The following CHP1 variants were observed in gnomAD, a reference collection of about 807,000 sequenced individuals.
CHP1 encodes calcineurin B homologous protein 1.
In CHP1, 11 loss-of-function variants were observed where a neutral mutation model predicts 27.4. The observed-to-expected ratio is 0.40, with a 90% CI of 0.25 to 0.67. The LOEUF is 0.67. Among genes scored for constraint, CHP1 ranks in the 30% least tolerant of loss-of-function variants. The pLI is 0.38. For missense variants in CHP1, 169 were observed against 251.3 expected, an observed-to-expected ratio of 0.67 and a Z score of 2.22; for synonymous variants, 89 against 87.4, an observed-to-expected ratio of 1.02 and a Z score of -0.10.
chr15:41,256,563 C>A, intron 2 of CHP1: 1 of 261,806 alleles, frequency 3.8e-6, no homozygotes, highest in Non-Finnish European at 7.5e-6. Flanking sequence ...ATTTGCTGTT[C>A]ACTTTCCAAA....
chr15:41,277,451 C>T (rs987961213), intron 5 of CHP1, among the ~76,000 whole-genome samples: 1 of 152,204 alleles, frequency 6.6e-6, no homozygotes, highest in East Asian at 1.9e-4. Flanking sequence ...GAAGGCCTGC[C>T]TGGGCAACAC....
chr15:41,261,814 G>C (rs1044993815), intron 3 of CHP1, among the ~76,000 whole-genome samples: 9 of 151,872 alleles, frequency 5.9e-5, no homozygotes, highest in Non-Finnish European at 1.3e-4. Flanking sequence ...CCAACATGGA[G>C]AAACCCCGTC....
intron 1 of CHP1, among the ~76,000 whole-genome samples, chr15:41,241,569 G>A (rs959601326): frequency 6.6e-6 from 1 of 152,208 alleles, no homozygotes; most frequent in South Asian, 2.1e-4. Flanking sequence ...TGTCCGGCTG[G>A]CAAAACAGTC....
chr15:41,236,798 AC>A (rs1225488817), intron 1 of CHP1, among the ~76,000 whole-genome samples: 1 of 150,672 alleles, frequency 6.6e-6, no homozygotes, highest in African/African-American at 2.4e-5. Flanking sequence ...CTATTATCAC[AC>A]CTAAGAAAGT....
intron 4 of CHP1, among the ~76,000 whole-genome samples, chr15:41,263,700 C>T (rs1355132828): frequency 6.6e-6 from 1 of 152,116 alleles, no homozygotes; most frequent in Non-Finnish European, 1.5e-5. Flanking sequence ...CATGGTGAAA[C>T]ATTGTCTCTA....
chr15:41,274,053 C>T (rs573808113), intron 5 of CHP1, among the ~76,000 whole-genome samples: 3 of 151,894 alleles, frequency 2.0e-5, no homozygotes, highest in Admixed American at 6.6e-5. Context: ...CTCCGCCTCC[C>T]GGGTTCAAGT....
At chr15:41,256,581 A>G (rs1249098103) in intron 2 of CHP1, 5 of 285,570 alleles carry the variant, frequency 1.8e-5, no homozygotes, top group African/African-American at 1.1e-4. Context: ...AAACTTAATA[A>G]CTAGGTACGC....
chr15:41,242,643 T>G (rs1021868888), intron 1 of CHP1, among the ~76,000 whole-genome samples: 3 of 145,696 alleles, frequency 2.1e-5, no homozygotes, highest in Admixed American at 6.9e-5. Flanking sequence ...AAAATAAAAT[T>G]TAAAAAATAA....
intron 5 of CHP1, among the ~76,000 whole-genome samples, chr15:41,277,792 A>G (rs977463881): frequency 1.1e-4 from 6 of 55,436 alleles, no homozygotes; most frequent in Admixed American, 8.6e-4. Flanking sequence ...CCGCCTCAGG[A>G]AAAAAAAAAA....
intron 1 of CHP1, among the ~76,000 whole-genome samples, chr15:41,242,340 C>T (rs974013521): frequency 6.6e-6 from 1 of 152,120 alleles, no homozygotes; most frequent in African/African-American, 2.4e-5. Context: ...TTGATGTACC[C>T]CAATCAAATA....
At position 41,233,930 on chromosome 15, in the gene CHP1, C is replaced by G. The variant is rs73402977; in HGVS notation, c.67+2481C>G. On this transcript the variant is annotated intron_variant, in intron 1 of 6. Coordinates refer to ENST00000334660, the MANE Select transcript of CHP1 (RefSeq NM_007236.5). ...AGTTTATCCAAATAGTGTCCATCAT[C>G]AGAGTTGTTTTTTCTTTTTCTTTTT... Among the ~76,000 whole-genome samples, 390 of 152,196 alleles carry G rather than the reference C, an allele frequency of 2.6e-3. 5 individuals are homozygous for G. Among genetic ancestry groups the G allele is most frequent in the African/African-American group, 8.5e-3 (352 of 41,548 alleles).
At position 41,279,386 on chromosome 15, in the gene CHP1, C is replaced by T; in HGVS notation, c.585C>T (p.His195=). Residue 195 remains histidine (H), a synonymous_variant, in exon 7 of 7, where the codon CAC becomes CAT. Transcript: ENST00000334660. ...VEQKMSIRFL[H] is the part of the protein sequence containing the mutation. ...AGAAAATGAGCATCCGATTTCTTCA[C>T]TAAAGGAGACCAAACTGTTCCTTGC... The T allele has an allele frequency of 6.2e-7, 1 of 1,612,696 alleles. No homozygotes were observed. Among genetic ancestry groups the T allele is most frequent in the Non-Finnish European group, 8.5e-7 (1 of 1,179,672 alleles).
chr15:41,251,792 G>A (rs1020274261), intron 2 of CHP1, among the ~76,000 whole-genome samples: 15 of 150,232 alleles, frequency 1.0e-4, no homozygotes, highest in Admixed American at 2.0e-4. Flanking sequence ...GCTGGGGATC[G>A]CTGCCAGCTG....
At chr15:41,253,858 C>T (rs551023627) in intron 2 of CHP1, among the ~76,000 whole-genome samples, 1 of 152,140 alleles carries the variant, frequency 6.6e-6, no homozygotes, top group South Asian at 2.1e-4. Flanking sequence ...TACCATGGCT[C>T]CTTGCAGCCT....
intron 4 of CHP1, among the ~76,000 whole-genome samples, chr15:41,268,750 C>G (rs528775395): frequency 6.6e-6 from 1 of 151,830 alleles, no homozygotes; most frequent in South Asian, 2.1e-4. Context: ...GTTAGGAGAT[C>G]GAGACCATCC....
chr15:41,274,024 G>C (rs555800182), intron 5 of CHP1, among the ~76,000 whole-genome samples: 11 of 151,276 alleles, frequency 7.3e-5, no homozygotes, highest in Admixed American at 7.2e-4. Flanking sequence ...GCAATGGCGC[G>C]ATCTCAACTC....
At chr15:41,244,562 C>T (rs1274350145) in intron 2 of CHP1, among the ~76,000 whole-genome samples, 1 of 152,142 alleles carries the variant, frequency 6.6e-6, no homozygotes, top group African/African-American at 2.4e-5. Context: ...TGTCTGGAAA[C>T]ATTTTTAATT....
At chr15:41,264,185 T>TAG (rs559482389) in intron 4 of CHP1, 15 of 1,286,624 alleles carry the variant, frequency 1.2e-5, no homozygotes, top group East Asian at 5.6e-5. Context: ...GAGATATATA[T>TAG]AGAGAGAGAT....
rs561426550 is a variant in CHP1 at position 41,246,624 on chromosome 15, C to CTTT, written c.140+2909_140+2911dup. Among the ~76,000 whole-genome samples, 31 of 57,300 alleles carry CTTT rather than the reference C, an allele frequency of 5.4e-4. 1 individual carries two copies. The highest frequency in any genetic ancestry group is 7.3e-4 in the African/African-American group (10 of 13,630). The allele number at this position is 57,300 out of a possible 152,430, so 37.6% of individuals were successfully genotyped here. A position where few individuals can be genotyped will look rare whatever the true frequency, so the allele number is the denominator to read the frequency against. On this transcript the variant is annotated intron_variant, in intron 2 of 6. Transcript: ENST00000334660. ...CGAGCCACCGTGCCTGGCCAAAAAG[C>CTTT]TTTTTTTTTTTTTTTTTTTTTTTTT...
Sources: allele counts gnomAD v4.1 joint callset (sites outside exome capture counted in the v4.1 genomes callset), GRCh38; gene constraint gnomAD v4.1.1; transcripts MANE v1.5; gene names NCBI Gene and HGNC (gene_info 2026-07-23, HGNC 2026-07-21).